Variants in CASZ1 observed in about 807,000 individuals in gnomAD.
The protein encoded by CASZ1 is zinc finger protein castor homolog 1.
CASZ1 carries 28 observed loss-of-function variants against 135.2 expected under a neutral mutation model. The ratio of observed to expected loss-of-function variants is 0.21; its 90% CI spans 0.15 to 0.28. The LOEUF (loss-of-function observed/expected upper bound fraction) is 0.28, where lower values mean the gene tolerates loss of function less well. Among genes scored for constraint, CASZ1 ranks in the 10% least tolerant of loss-of-function variants. The pLI, the probability that CASZ1 is intolerant of heterozygous loss-of-function variation, is 1.00. For missense variants in CASZ1, 2,161 were observed against 2,453.3 expected (o/e 0.88, Z 2.52); for synonymous variants, 1,068 against 1,073.4 (o/e 0.99, Z 0.10).
intron 3 of CASZ1, 27 bp from the exon 4 acceptor site, chr1:10,693,939 C>T: frequency 3.7e-6 from 6 of 1,609,226 alleles, no homozygotes; most frequent in Non-Finnish European, 5.1e-6. Flanking sequence ...CAGGGGAAGA[C>T]CGGGAGAGAA....
chr1:10,750,846 C>T (rs1640137614), intron 2 of CASZ1, among the ~76,000 whole-genome samples: 1 of 151,936 alleles, frequency 6.6e-6, no homozygotes, highest in Admixed American at 6.6e-5. Flanking sequence ...TTGCAGTGAG[C>T]CAAGATGGTG....
chr1:10,770,662 T>C (rs1021143104), intron 1 of CASZ1, among the ~76,000 whole-genome samples: 2 of 152,144 alleles, frequency 1.3e-5, no homozygotes, highest in African/African-American at 4.8e-5. Flanking sequence ...CCACAGAAGA[T>C]GCTGGGCCTG....
At chr1:10,775,931 C>T (rs1340136289) in intron 1 of CASZ1, among the ~76,000 whole-genome samples, 2 of 152,158 alleles carry the variant, frequency 1.3e-5, no homozygotes, top group African/African-American at 2.4e-5. Context: ...CCTCCCGCTG[C>T]AGCCTCTCCG....
Position 10,655,728 on chromosome 1 carries a change from A to C in CASZ1, c.1586T>G (p.Phe529Cys). 1 of 1,614,212 alleles carries C rather than the reference A, an allele frequency of 6.2e-7. No homozygotes were observed. Among genetic ancestry groups the C allele is most frequent in the Non-Finnish European group, 8.5e-7 (1 of 1,179,998 alleles). The change falls in exon 9 of 21, where the codon TTC becomes TGC. Residue 529 changes from phenylalanine to cysteine, a missense_variant. By Grantham distance (205) the Phe-to-Cys change is radical. Coordinates refer to ENST00000377022, the MANE Select transcript of CASZ1 (RefSeq NM_001079843.3). ...DNSLQHGFMRFSPLDDCSVYY... is the reference protein window; with the variant it reads ...DNSLQHGFMRCSPLDDCSVYY... The stretch of plus-strand genomic sequence containing the variant: ...GACGCTGCAGTCGTCCAGCGGGCTG[A>C]AACGCATGAAGCCGTGCTGCAGGGA...
rs749323631 is a variant in CASZ1, at chr1:10,725,628, A to T, written c.-76-20084T>A. ...ATATTAACCTTTGAAACTGGAGTTC[A>T]TTCAGCTACCATGTTACAATCCAGT... On this transcript the variant is annotated intron_variant, in intron 2 of 20. Transcript: ENST00000377022. This position sits in a 1 kb window ranked among gnomAD's most constrained non-coding sequence, Gnocchi z 4.4. Among the ~76,000 whole-genome samples, 3 of 152,166 alleles carry T rather than the reference A, an allele frequency of 2.0e-5. No homozygotes were observed. Among genetic ancestry groups the T allele is most frequent in the Non-Finnish European group, 2.9e-5 (2 of 68,028 alleles).
rs191477225 is a variant in CASZ1 at position 10,755,516 on chromosome 1, C to G, written c.-77+5185G>C. Among the ~76,000 whole-genome samples the G allele has an allele frequency of 5.9e-5, 9 of 152,288 alleles. No homozygotes were observed. The highest frequency in any genetic ancestry group is 5.9e-4 in the Admixed American group (9 of 15,310). Reference sequence around the variant, plus strand: ...GTCCCATCCTTTGGATCAACTGCGTCACCCGCCGAGAAGTCCCCCGAGTAG... The same window carrying G: ...GTCCCATCCTTTGGATCAACTGCGTGACCCGCCGAGAAGTCCCCCGAGTAG... On this transcript the variant is annotated intron_variant, in intron 2 of 20. Transcript: ENST00000377022. This position sits in a 1 kb window ranked among gnomAD's most constrained non-coding sequence, Gnocchi z 4.3.
rs113420143 is a variant in CASZ1 at position 10,759,972 on chromosome 1, A to G, written c.-77+729T>C. On this transcript the variant is annotated intron_variant, in intron 2 of 20. Transcript: ENST00000377022. This position sits in a 1 kb window ranked among gnomAD's most constrained non-coding sequence, Gnocchi z 4.2. ...ATGACCAGCATGCAATGAGTCACCCAATGTGTGTCAACCCCTCACCCCAAG... is the reference window on the plus strand; with the variant it reads ...ATGACCAGCATGCAATGAGTCACCCGATGTGTGTCAACCCCTCACCCCAAG... Among the ~76,000 whole-genome samples, 1,369 of 152,266 alleles carry G rather than the reference A, an allele frequency of 9.0e-3. 19 individuals are homozygous for G. Among genetic ancestry groups the G allele is most frequent in the African/African-American group, 0.028 (1,172 of 41,542 alleles).
chr1:10,752,412 C>G (rs1040630786), intron 2 of CASZ1, among the ~76,000 whole-genome samples: 45 of 152,322 alleles, frequency 3.0e-4, no homozygotes, highest in African/African-American at 1.0e-3. Flanking sequence ...TGGGGAATTG[C>G]TCCCCAGCCT....
In CASZ1 at chr1:10,709,836, C is replaced by T. The variant is rs190719066; in HGVS notation, c.-76-4292G>A. 1.6e-3 allele frequency among the ~76,000 whole-genome samples: 242 copies of T among 152,292 alleles called. 1 individual carries two copies. Among genetic ancestry groups the T allele is most frequent in the African/African-American group, 5.3e-3 (219 of 41,552 alleles). ...CCCGGAACTTTTACACAGCAGTTAGCAGGACAATGAGGGGGCCGGCGGCCC... is the reference window on the plus strand; with the variant it reads ...CCCGGAACTTTTACACAGCAGTTAGTAGGACAATGAGGGGGCCGGCGGCCC... On this transcript the variant is annotated intron_variant, in intron 2 of 20. Transcript: ENST00000377022. The surrounding 1 kb of genome is among the most constrained non-coding windows in gnomAD (Gnocchi z 5.1).
At chr1:10,784,722 C>G (rs1033590583) in intron 1 of CASZ1, among the ~76,000 whole-genome samples, 1 of 152,144 alleles carries the variant, frequency 6.6e-6, no homozygotes, top group Admixed American at 6.6e-5. Context: ...CACCACCATA[C>G]CCGGCTAATT....
intron 4 of CASZ1, among the ~76,000 whole-genome samples, chr1:10,684,502 TTCAGGAGGTGCCTGGGCTC>T (rs1286204238): frequency 6.6e-6 from 1 of 152,272 alleles, no homozygotes; most frequent in East Asian, 1.9e-4. Flanking sequence ...ACATGGTCCA[TTCAGGAGGTGCCTGGGCTC>T]TCCAGGACCC....
At chr1:10,793,311 C>T (rs1003453459) in intron 1 of CASZ1, among the ~76,000 whole-genome samples, 14 of 152,046 alleles carry the variant, frequency 9.2e-5, no homozygotes, top group African/African-American at 1.2e-4. Flanking sequence ...TCAAAGCCTT[C>T]GCTTTCTTCT....
Position 10,639,442 on chromosome 1 carries a change from T to C in CASZ1, c.4780A>G (p.Lys1594Glu), listed in dbSNP as rs539341512. The change falls in exon 21 of 21, where the codon AAG (lysine) becomes GAG (glutamate). Residue 1594 changes from lysine to glutamate, a missense_variant. Lys to Glu is a moderately conservative substitution (Grantham distance 56, BLOSUM62 1). Coordinates refer to ENST00000377022, the MANE Select transcript of CASZ1 (RefSeq NM_001079843.3). The surrounding 1 kb of genome is among the most constrained non-coding windows in gnomAD (Gnocchi z 4.0). ...TCGCCGCGCTCCTGCTTCTCGTGCT[T>C]GCGCTTGTGCGAGTCCATCTGCGAC... Reference protein sequence around the residue: ...GMSQMDSHKRKHEKQERGEPA... With the variant: ...GMSQMDSHKREHEKQERGEPA... The C allele has an allele frequency of 6.3e-7, 1 of 1,589,398 alleles. No homozygotes were observed. The highest frequency in any genetic ancestry group is 1.8e-5 in the Admixed American group (1 of 55,646).
rs1331664575 is a variant in CASZ1 at position 10,794,092 on chromosome 1, G to C, written c.-234+2472C>G. Among the ~76,000 whole-genome samples the C allele has an allele frequency of 2.0e-5, 3 of 152,240 alleles. No individual in the cohort carries two copies. Among genetic ancestry groups the C allele is most frequent in the Non-Finnish European group, 2.9e-5 (2 of 67,998 alleles). Reference sequence around the variant, plus strand: ...TACCCCCCTCCCCATGCCCGGCGCAGCTGCTCCTGCTCAGCCGGGACAGCT... The same window carrying C: ...TACCCCCCTCCCCATGCCCGGCGCACCTGCTCCTGCTCAGCCGGGACAGCT... On this transcript the variant is annotated intron_variant, in intron 1 of 20. Transcript: ENST00000377022. This position sits in a 1 kb window ranked among gnomAD's most constrained non-coding sequence, Gnocchi z 5.6.
rs191457670 is a variant in CASZ1 at position 10,737,654 on chromosome 1, C to T, written c.-77+23047G>A. ...AAGGGTTGGGGTCTGTGGGCTGCCA[C>T]GGGGGACCCTCAGCTCCATTAGCCT... is the stretch of plus-strand genomic sequence containing the variant. On this transcript the variant is annotated intron_variant, in intron 2 of 20. Transcript: ENST00000377022. Among the ~76,000 whole-genome samples the T allele has an allele frequency of 3.5e-4, 54 of 152,350 alleles. 1 individual carries two copies. The highest frequency in any genetic ancestry group is 1.7e-3 in the South Asian group (8 of 4,828).
chr1:10,787,623 C>T (rs907124026), intron 1 of CASZ1, among the ~76,000 whole-genome samples: 1 of 152,138 alleles, frequency 6.6e-6, no homozygotes, highest in African/African-American at 2.4e-5. Flanking sequence ...CCCACCCCTT[C>T]TTCTCATTTA....
chr1:10,664,366 C>T (rs1001794367), intron 5 of CASZ1, among the ~76,000 whole-genome samples: 9 of 151,878 alleles, frequency 5.9e-5, no homozygotes, highest in Non-Finnish European at 1.0e-4. Flanking sequence ...GCAGAAGGCG[C>T]GCAGGGCTGC....
At chr1:10,787,063 G>A (rs569809108) in intron 1 of CASZ1, among the ~76,000 whole-genome samples, 6 of 152,282 alleles carry the variant, frequency 3.9e-5, no homozygotes, top group South Asian at 2.1e-4. Flanking sequence ...TCTTCGTTAC[G>A]TTTAATTACT....
chr1:10,722,858 C>T (rs575259041), intron 2 of CASZ1, among the ~76,000 whole-genome samples: 16 of 152,242 alleles, frequency 1.1e-4, no homozygotes, highest in African/African-American at 3.6e-4. Context: ...CTCTCCCCCC[C>T]AAAAAGGCCT....
Sources: allele counts gnomAD v4.1 joint callset (sites outside exome capture counted in the v4.1 genomes callset), GRCh38; gene constraint gnomAD v4.1.1; non-coding constraint Gnocchi (gnomAD v3.1); transcripts MANE v1.5; gene names NCBI Gene and HGNC (gene_info 2026-07-23, HGNC 2026-07-21).